Variants in CFAP61 observed in about 807,000 individuals in gnomAD.
CFAP61 encodes cilia- and flagella-associated protein 61.
A neutral mutation model predicts 135.6 loss-of-function variants in CFAP61; 107 were observed. That is an observed-to-expected ratio of 0.79 (90% CI 0.67 to 0.93). The LOEUF is 0.93. Ranked by LOEUF, CFAP61 falls within the 40% of genes least tolerant of loss-of-function variation. The probability of loss-of-function intolerance (pLI) is 0.00; values close to 1 mark genes in which losing one functional copy is unlikely to be tolerated. For synonymous variants in CFAP61, 575 were observed against 578.5 expected (o/e 0.99, Z 0.09); for missense variants, 1,507 against 1,556.2 (o/e 0.97, Z 0.53).
intron 21 of CFAP61, among the ~76,000 whole-genome samples, chr20:20,271,674 G>A (rs2053367343): frequency 6.6e-6 from 1 of 152,178 alleles, no homozygotes; most frequent in African/African-American, 2.4e-5. Flanking sequence ...TCGCTAAAAG[G>A]AGCAACAAAG....
intron 25 of CFAP61, among the ~76,000 whole-genome samples, chr20:20,304,010 G>GTGGTAGCC (rs1194236839): frequency 6.6e-6 from 1 of 152,176 alleles, no homozygotes; most frequent in Non-Finnish European, 1.5e-5. Context: ...AGATGTTGCT[G>GTGGTAGCC]TGGTAGCCGA....
intron 15 of CFAP61, among the ~76,000 whole-genome samples, chr20:20,195,315 C>T (rs1311197901): frequency 6.6e-6 from 1 of 152,196 alleles, no homozygotes; most frequent in Non-Finnish European, 1.5e-5. Context: ...AATTTCTGTT[C>T]TTGAAAGTAG....
intron 9 of CFAP61, among the ~76,000 whole-genome samples, chr20:20,143,984 G>A (rs1244283701): frequency 6.6e-6 from 1 of 152,228 alleles, no homozygotes; most frequent in Non-Finnish European, 1.5e-5. Context: ...GACTGGAAAA[G>A]CTTATGATTT....
At chr20:20,160,606 C>T (rs2053313404) in intron 10 of CFAP61, among the ~76,000 whole-genome samples, 1 of 152,180 alleles carries the variant, frequency 6.6e-6, no homozygotes, top group South Asian at 2.1e-4. Flanking sequence ...CAGCTAATTG[C>T]ATGGAGGGGA....
At chr20:20,314,312 C>A (rs1165499618) in intron 25 of CFAP61, among the ~76,000 whole-genome samples, 1 of 149,966 alleles carries the variant, frequency 6.7e-6, no homozygotes, top group Non-Finnish European at 1.5e-5. Flanking sequence ...ATCACTCAAA[C>A]CTGGGAGGCA....
intron 7 of CFAP61, among the ~76,000 whole-genome samples, chr20:20,092,139 G>A (rs892928804): frequency 7.9e-5 from 12 of 152,172 alleles, no homozygotes; most frequent in Non-Finnish European, 1.5e-4. Context: ...TCTCCGATCC[G>A]TCTTTATCTT....
chr20:20,282,486 C>G (rs1028762154), intron 22 of CFAP61, among the ~76,000 whole-genome samples: 2 of 152,150 alleles, frequency 1.3e-5, no homozygotes, highest in African/African-American at 4.8e-5. Flanking sequence ...TTTTAATTAT[C>G]ACTTAATTCA....
At chr20:20,126,319 T>A (rs993005338) in intron 8 of CFAP61, among the ~76,000 whole-genome samples, 3 of 151,966 alleles carry the variant, frequency 2.0e-5, no homozygotes, top group East Asian at 1.9e-4. Flanking sequence ...CCTGTGTGAT[T>A]TATACTTTAA....
In CFAP61 at chr20:20,199,238, T is replaced by TTTG. The variant is rs3060485; in HGVS notation, c.1798-502_1798-500dup. On this transcript the variant is annotated intron_variant, in intron 16 of 26. Coordinates refer to ENST00000245957, the MANE Select transcript of CFAP61 (RefSeq NM_015585.4). ...TTTATCTTTTTGTTCTAAAACAGTT[T>TTTG]TTGTTGTTGTTGTTGTTGTTGTTGT... Among the ~76,000 whole-genome samples the TTTG allele has an allele frequency of 1.9e-3, 288 of 151,972 alleles. 1 individual carries two copies. Among genetic ancestry groups the TTTG allele is most frequent in the East Asian group, 7.9e-3 (41 of 5,176 alleles).
chr20:20,177,592 A>C (rs998663621), intron 13 of CFAP61, among the ~76,000 whole-genome samples: 1 of 151,708 alleles, frequency 6.6e-6, no homozygotes, highest in Non-Finnish European at 1.5e-5. Flanking sequence ...AATCCACAGC[A>C]CTGACTGCAT....
chr20:20,236,724 G>T (rs2049621337), intron 18 of CFAP61, among the ~76,000 whole-genome samples: 1 of 152,128 alleles, frequency 6.6e-6, no homozygotes, highest in African/African-American at 2.4e-5. Flanking sequence ...AAAACACAAA[G>T]CTCTTCTTCA....
At chr20:20,129,695 T>G (rs2050360923) in intron 8 of CFAP61, among the ~76,000 whole-genome samples, 1 of 151,634 alleles carries the variant, frequency 6.6e-6, no homozygotes, top group African/African-American at 2.4e-5. Context: ...AGATTTGTTT[T>G]TTTCAGGTAA....
At chr20:20,198,880 T>C (rs567148932) in intron 16 of CFAP61, among the ~76,000 whole-genome samples, 1 of 152,368 alleles carries the variant, frequency 6.6e-6, no homozygotes, top group East Asian at 1.9e-4. Flanking sequence ...CAGTTGTTTT[T>C]CTGTCTTTGC....
At chr20:20,326,587 T>C (rs1602031803) in intron 25 of CFAP61, among the ~76,000 whole-genome samples, 1 of 152,210 alleles carries the variant, frequency 6.6e-6, no homozygotes, top group African/African-American at 2.4e-5. Flanking sequence ...CCAACAACTC[T>C]TTCTAAATAA....
intron 8 of CFAP61, among the ~76,000 whole-genome samples, chr20:20,116,695 ACTT>A (rs767350305): frequency 2.2e-4 from 33 of 152,156 alleles, no homozygotes; most frequent in African/African-American, 7.0e-4. Context: ...ACTGGGTCAT[ACTT>A]CTTCTATTAA....
chr20:20,268,053 G>A (rs193244357), intron 21 of CFAP61, among the ~76,000 whole-genome samples: 222 of 152,352 alleles, frequency 1.5e-3, no homozygotes, highest in Middle Eastern at 6.8e-3. Context: ...ATCCGTGACC[G>A]TCCTGGACAT....
chr20:20,065,031 A>G (rs1052671709), intron 2 of CFAP61, among the ~76,000 whole-genome samples: 1 of 152,212 alleles, frequency 6.6e-6, no homozygotes, highest in Non-Finnish European at 1.5e-5. Flanking sequence ...GACGCATACT[A>G]TATGAAAATT....
chr20:20,219,720 C>A (rs760070103), intron 17 of CFAP61, among the ~76,000 whole-genome samples: 9 of 152,094 alleles, frequency 5.9e-5, no homozygotes, highest in Non-Finnish European at 1.0e-4. Context: ...CAGATTAGTT[C>A]ATATATTTCT....
chr20:20,230,084 T>G (rs1292670999), intron 18 of CFAP61, among the ~76,000 whole-genome samples: 1 of 152,256 alleles, frequency 6.6e-6, no homozygotes, highest in Admixed American at 6.5e-5. Flanking sequence ...TCATAATGTT[T>G]TATTTAAATG....
Sources: allele counts gnomAD v4.1 joint callset (sites outside exome capture counted in the v4.1 genomes callset), GRCh38; gene constraint gnomAD v4.1.1; transcripts MANE v1.5; gene names NCBI Gene and HGNC (gene_info 2026-07-23, HGNC 2026-07-21).